The following TEAD1 variants were observed in gnomAD, a reference collection of about 807,000 sequenced individuals.
The protein encoded by TEAD1 is transcriptional enhancer factor TEF-1.
TEAD1 carries 9 observed loss-of-function variants against 54.9 expected under a neutral mutation model. That is an observed-to-expected ratio of 0.16 (90% CI 0.10 to 0.29). The LOEUF is 0.29. TEAD1 is among the 10% of genes least tolerant of loss of function. The probability of loss-of-function intolerance (pLI) is 1.00; values close to 1 mark genes in which losing one functional copy is unlikely to be tolerated. For missense variants in TEAD1, 387 were observed against 535.9 expected (o/e 0.72, Z 2.74); for synonymous variants, 200 against 187.8 (o/e 1.07, Z -0.53).
At chr11:12,843,336 G>T (rs1383818443) in intron 3 of TEAD1, among the ~76,000 whole-genome samples, 1 of 152,210 alleles carries the variant, frequency 6.6e-6, no homozygotes, top group African/African-American at 2.4e-5. Context: ...GTAGAAAGTA[G>T]CACTCTATTC....
chr11:12,747,054 A>G (rs1944759994), intron 2 of TEAD1, among the ~76,000 whole-genome samples: 1 of 152,208 alleles, frequency 6.6e-6, no homozygotes, highest in Non-Finnish European at 1.5e-5. Flanking sequence ...GAGGCCAGTG[A>G]GTCTCTTTTA....
chr11:12,768,767 C>T (rs1224774660), intron 3 of TEAD1, among the ~76,000 whole-genome samples: 1 of 152,186 alleles, frequency 6.6e-6, no homozygotes, highest in Non-Finnish European at 1.5e-5. Context: ...ATGGTCCCTG[C>T]CCTCATGGAG....
intron 3 of TEAD1, among the ~76,000 whole-genome samples, chr11:12,818,456 G>A (rs557046499): frequency 6.6e-6 from 1 of 152,240 alleles, no homozygotes; most frequent in South Asian, 2.1e-4. Context: ...AGGCTTTGGG[G>A]CCTCCCTGGG....
chr11:12,778,158 G>A (rs747481258), intron 3 of TEAD1, among the ~76,000 whole-genome samples: 8 of 152,172 alleles, frequency 5.3e-5, no homozygotes, highest in Non-Finnish European at 8.8e-5. Flanking sequence ...GAGAGGTTTA[G>A]TAAGTTGCCC....
intron 3 of TEAD1, among the ~76,000 whole-genome samples, chr11:12,837,679 T>TCTCCCTC (rs1946923654): frequency 6.8e-6 from 1 of 147,842 alleles, no homozygotes; most frequent in African/African-American, 2.6e-5. Context: ...CCTTCTTCCT[T>TCTCCCTC]CTTTCTCCCT....
intron 3 of TEAD1, among the ~76,000 whole-genome samples, chr11:12,844,087 A>G (rs1053897339): frequency 6.6e-6 from 1 of 152,244 alleles, no homozygotes; most frequent in African/African-American, 2.4e-5. Context: ...TAAAGAATGT[A>G]CATTAAATAT....
intron 2 of TEAD1, among the ~76,000 whole-genome samples, chr11:12,685,997 G>T (rs559972233): frequency 1.3e-5 from 2 of 152,222 alleles, no homozygotes; most frequent in African/African-American, 4.8e-5. Flanking sequence ...CCAGATCCTG[G>T]CTGCCTTCCT....
Position 12,856,273 on chromosome 11 carries a change from A to G in TEAD1, c.203-5977A>G, listed in dbSNP as rs72632964. Among the ~76,000 whole-genome samples the G allele has an allele frequency of 0.037, 5,698 of 152,206 alleles. 701 individuals carry two copies. The East Asian group carries it at 0.46, about 12-fold the overall frequency. On this transcript the variant is annotated intron_variant, in intron 3 of 12. Coordinates refer to ENST00000527636, the MANE Select transcript of TEAD1 (RefSeq NM_021961.6). Reference sequence around the variant, plus strand: ...AGAAAGGGAGGCGGAGAAGAGATCCATGTCATTGGTTCTTGTTGCCAAGGA... The same window carrying G: ...AGAAAGGGAGGCGGAGAAGAGATCCGTGTCATTGGTTCTTGTTGCCAAGGA...
At chr11:12,706,527 G>A (rs1267140484) in intron 2 of TEAD1, among the ~76,000 whole-genome samples, 1 of 152,198 alleles carries the variant, frequency 6.6e-6, no homozygotes, top group Non-Finnish European at 1.5e-5. Flanking sequence ...TAAATTATCT[G>A]TTTTGTATAT....
chr11:12,939,721 A>G lies in TEAD1; in HGVS notation c.*2499A>G, dbSNP rs934653318. 6.6e-6 allele frequency: 1 copy of G among 152,230 alleles called. No homozygotes were observed. The highest frequency in any genetic ancestry group is 1.5e-5 in the Non-Finnish European group (1 of 68,070). 9.4% of individuals were successfully genotyped at this position (152,230 alleles called of 1,614,324 possible). A position where few individuals can be genotyped will look rare whatever the true frequency, so the allele number is the denominator to read the frequency against. On this transcript the variant is annotated 3_prime_UTR_variant, in exon 13 of 13. Transcript: ENST00000527636. ...TTGAGGTTTACTCCTTGCTCTTACA[A>G]CATTTCTAAGGATTTTTAAAAGTTT...
At chr11:12,803,949 T>G (rs1946117503) in intron 3 of TEAD1, among the ~76,000 whole-genome samples, 1 of 152,206 alleles carries the variant, frequency 6.6e-6, no homozygotes, top group South Asian at 2.1e-4. Context: ...GTATCACAGA[T>G]TGCAGGGCTC....
At chr11:12,864,657 G>T in intron 4 of TEAD1, 181 bp from the exon 5 acceptor site, 61 of 1,383,576 alleles carry the variant, frequency 4.4e-5, no homozygotes, top group South Asian at 7.3e-5. Flanking sequence ...GTTTTGTTTT[G>T]TTTCCCCTCA....
intron 3 of TEAD1, among the ~76,000 whole-genome samples, chr11:12,811,506 G>A (rs1186141303): frequency 6.6e-6 from 1 of 152,214 alleles, no homozygotes. Context: ...TTGTGAATTT[G>A]TTGAGGACTT....
At chr11:12,804,322 C>G (rs946106805) in intron 3 of TEAD1, among the ~76,000 whole-genome samples, 6 of 152,194 alleles carry the variant, frequency 3.9e-5, no homozygotes, top group Non-Finnish European at 5.9e-5. Context: ...TAGCGGTGGT[C>G]CCTGGGACCT....
At chr11:12,698,845 G>C (rs749913818) in intron 2 of TEAD1, among the ~76,000 whole-genome samples, 2 of 152,192 alleles carry the variant, frequency 1.3e-5, no homozygotes, top group Non-Finnish European at 2.9e-5. Context: ...GGAAACTTCA[G>C]GGAGTGTAGC....
intron 12 of TEAD1, among the ~76,000 whole-genome samples, chr11:12,934,525 AAAACTT>A (rs1003492795): frequency 2.6e-5 from 4 of 152,086 alleles, no homozygotes; most frequent in African/African-American, 9.7e-5. Context: ...CATGTACCCT[AAAACTT>A]AAAGTATAAT....
chr11:12,844,319 T>G (rs144720679), intron 3 of TEAD1, among the ~76,000 whole-genome samples: 2 of 152,354 alleles, frequency 1.3e-5, no homozygotes, highest in African/African-American at 4.8e-5. Context: ...GTCCAGAGAT[T>G]AGAGTAAAAT....
intron 2 of TEAD1, among the ~76,000 whole-genome samples, chr11:12,715,041 T>C (rs1944026742): frequency 6.6e-6 from 1 of 152,206 alleles, no homozygotes. Flanking sequence ...AGTGTCAGTA[T>C]GTGTCAGGCA....
chr11:12,712,646 A>G (rs1286954854), intron 2 of TEAD1, among the ~76,000 whole-genome samples: 2 of 152,250 alleles, frequency 1.3e-5, no homozygotes, highest in African/African-American at 2.4e-5. Flanking sequence ...CACTACTGTT[A>G]GTATTGCTGC....
Sources: gnomAD v4.1 joint callset for allele counts (sites outside exome capture counted in the v4.1 genomes callset) on GRCh38, gnomAD v4.1.1 for gene constraint, MANE v1.5 for transcripts, NCBI Gene and HGNC (gene_info 2026-07-23, HGNC 2026-07-21) for gene names.